The following CNTN4 variants were observed in gnomAD, a reference collection of about 807,000 sequenced individuals.
CNTN4 encodes the protein contactin-4.
CNTN4 carries 77 observed loss-of-function variants against 122.5 expected under a neutral mutation model. That is an observed-to-expected ratio of 0.63 (90% CI 0.52 to 0.76). CNTN4 has a LOEUF of 0.76. CNTN4 is among the 30% of genes least tolerant of loss of function. The pLI, the probability that CNTN4 is intolerant of heterozygous loss-of-function variation, is 0.00. For synonymous variants in CNTN4, 512 were observed against 447.0 expected (o/e 1.15, Z -1.83); for missense variants, 1,256 against 1,259.1 (o/e 1.00, Z 0.04).
At chr3:2,960,672 T>C (rs1161249153) in intron 13 of CNTN4, among the ~76,000 whole-genome samples, 1 of 152,170 alleles carries the variant, frequency 6.6e-6, no homozygotes, top group African/African-American at 2.4e-5. Context: ...GAGACAACTT[T>C]CTCCTGACTT....
intron 2 of CNTN4, among the ~76,000 whole-genome samples, chr3:2,269,507 C>G (rs1559396880): frequency 6.6e-6 from 1 of 152,028 alleles, no homozygotes; most frequent in Non-Finnish European, 1.5e-5. Context: ...ATTTTAATCT[C>G]TCAGAAGAAC....
chr3:2,644,870 G>C (rs1400711115), intron 4 of CNTN4, among the ~76,000 whole-genome samples: 1 of 149,266 alleles, frequency 6.7e-6, no homozygotes. Flanking sequence ...CCCTTGTCTT[G>C]TATTCTGCAA....
chr3:2,901,258 A>G (rs964167815), intron 11 of CNTN4, among the ~76,000 whole-genome samples: 10 of 152,314 alleles, frequency 6.6e-5, no homozygotes, highest in African/African-American at 2.2e-4. Context: ...AATGAGGAAC[A>G]ATTGTGTCCA....
At chr3:2,790,464 G>A (rs2091974261) in intron 6 of CNTN4, among the ~76,000 whole-genome samples, 1 of 152,190 alleles carries the variant, frequency 6.6e-6, no homozygotes, top group Non-Finnish European at 1.5e-5. Context: ...GAAGGGAAAG[G>A]AGCAGAATCA....
rs149538171 is a variant in CNTN4 at position 2,477,863 on chromosome 3, G to C, written c.-88-93553G>C. 4.4e-3 allele frequency among the ~76,000 whole-genome samples: 667 copies of C among 152,234 alleles called. 5 individuals carry two copies. Among genetic ancestry groups the C allele is most frequent in the Admixed American group, 8.8e-3 (135 of 15,292 alleles). On this transcript the variant is annotated intron_variant, in intron 3 of 24. Transcript: ENST00000418658. ...CAGGCTGTGGCCATTCAAGCAAGAA[G>C]GCAGTAAGCTCAGTAGGAACAGCTG...
chr3:2,546,340 A>G (rs62235765), intron 3 of CNTN4, among the ~76,000 whole-genome samples: 1 of 151,984 alleles, frequency 6.6e-6, no homozygotes, highest in African/African-American at 2.4e-5. Flanking sequence ...AAAAAAAAGA[A>G]CAAGATAATG....
chr3:3,031,923 G>A (rs1482311338), intron 16 of CNTN4, among the ~76,000 whole-genome samples: 1 of 152,180 alleles, frequency 6.6e-6, no homozygotes, highest in African/African-American at 2.4e-5. Flanking sequence ...GTTGGAGGCA[G>A]GGTTAATCTG....
At chr3:2,992,046 G>T (rs1695107258) in intron 14 of CNTN4, among the ~76,000 whole-genome samples, 1 of 152,098 alleles carries the variant, frequency 6.6e-6, no homozygotes, top group South Asian at 2.1e-4. Context: ...CCCTACCCTT[G>T]CCCCCATGTT....
At chr3:2,684,592 G>GA (rs2085337501) in intron 4 of CNTN4, among the ~76,000 whole-genome samples, 1 of 152,018 alleles carries the variant, frequency 6.6e-6, no homozygotes, top group Non-Finnish European at 1.5e-5. Flanking sequence ...AATAACATTG[G>GA]ACCCTGAGCA....
intron 2 of CNTN4, among the ~76,000 whole-genome samples, chr3:2,169,626 T>G (rs1260209708): frequency 6.6e-6 from 1 of 151,846 alleles, no homozygotes; most frequent in Non-Finnish European, 1.5e-5. Context: ...CTCGATCTCC[T>G]GACCTCGTGA....
At chr3:3,023,985 GTACC>G (rs1698508709) in intron 14 of CNTN4, among the ~76,000 whole-genome samples, 1 of 152,128 alleles carries the variant, frequency 6.6e-6, no homozygotes, top group Non-Finnish European at 1.5e-5. Context: ...GATGATAATA[GTACC>G]TATTTGTTAG....
chr3:2,845,231 A>G (rs1193832442), intron 7 of CNTN4, among the ~76,000 whole-genome samples: 1 of 152,268 alleles, frequency 6.6e-6, no homozygotes, highest in South Asian at 2.1e-4. Flanking sequence ...ATAATTCTGT[A>G]CTCAGATCTT....
At chr3:2,284,954 T>G (rs958192324) in intron 2 of CNTN4, among the ~76,000 whole-genome samples, 10 of 151,966 alleles carry the variant, frequency 6.6e-5, no homozygotes, top group African/African-American at 2.2e-4. Context: ...GTTGTTATCT[T>G]AGGGTAGTGG....
chr3:2,384,638 C>T (rs934079136), intron 3 of CNTN4, among the ~76,000 whole-genome samples: 2 of 152,098 alleles, frequency 1.3e-5, no homozygotes, highest in Admixed American at 6.5e-5. Context: ...GTGGAAATCT[C>T]TTTTTCTTCT....
intron 4 of CNTN4, among the ~76,000 whole-genome samples, chr3:2,732,380 G>A (rs1047296898): frequency 6.6e-6 from 1 of 152,110 alleles, no homozygotes; most frequent in Admixed American, 6.5e-5. Flanking sequence ...GTGGTCTACA[G>A]TCTAACTCGG....
intron 17 of CNTN4, among the ~76,000 whole-genome samples, chr3:3,035,820 G>T (rs954279860): frequency 1.4e-4 from 22 of 152,064 alleles, no homozygotes; most frequent in African/African-American, 5.3e-4. Context: ...CTCCCAAATT[G>T]CTGGGATTTC....
At chr3:2,924,855 T>C (rs551319535) in intron 12 of CNTN4, among the ~76,000 whole-genome samples, 1 of 152,122 alleles carries the variant, frequency 6.6e-6, no homozygotes, top group East Asian at 1.9e-4. Flanking sequence ...CAGCATGTTC[T>C]CTAATAGAGA....
intron 2 of CNTN4, among the ~76,000 whole-genome samples, chr3:2,146,408 C>T (rs2125374750): frequency 6.6e-6 from 1 of 151,678 alleles, no homozygotes; most frequent in South Asian, 2.1e-4. Flanking sequence ...CATATAGTAT[C>T]TATGTAGTAG....
chr3:2,146,531 T>C (rs1422240867), intron 2 of CNTN4, among the ~76,000 whole-genome samples: 1 of 152,182 alleles, frequency 6.6e-6, no homozygotes, highest in Non-Finnish European at 1.5e-5. Context: ...AAAATATTAG[T>C]TACCCTTATT....
Sources: allele counts gnomAD v4.1 joint callset (sites outside exome capture counted in the v4.1 genomes callset), GRCh38; gene constraint gnomAD v4.1.1; transcripts MANE v1.5; gene names NCBI Gene and HGNC (gene_info 2026-07-23, HGNC 2026-07-21).